Variants in RBPMS observed in about 807,000 individuals in gnomAD.
The protein encoded by RBPMS is RNA-binding protein with multiple splicing.
A neutral mutation model predicts 26.8 loss-of-function variants in RBPMS; 7 were observed. The observed-to-expected ratio is 0.26, with a 90% CI of 0.15 to 0.49. RBPMS has a LOEUF of 0.49. RBPMS is among the 20% of genes least tolerant of loss of function. RBPMS has a pLI of 0.98. For missense variants in RBPMS, 186 were observed against 250.0 expected (o/e 0.74, Z 1.73); for synonymous variants, 96 against 93.3 (o/e 1.03, Z -0.17).
At chr8:30,506,523 G>A (rs192910775) in intron 5 of RBPMS, among the ~76,000 whole-genome samples, 1 of 152,188 alleles carries the variant, frequency 6.6e-6, no homozygotes, top group Admixed American at 6.5e-5. Context: ...GAACTTGACC[G>A]TCACATACAA....
Position 30,547,366 on chromosome 8 carries a change from G to A in RBPMS, c.528+2742G>A. 1.9e-6 allele frequency: 3 copies of A among 1,613,820 alleles called. No homozygotes were observed. The South Asian group carries it at 3.3e-5, about 18-fold the overall frequency. On this transcript the variant is annotated intron_variant, in intron 6 of 8. Coordinates refer to ENST00000397323, the MANE Select transcript of RBPMS (RefSeq NM_001008710.3). Reference sequence around the variant, plus strand: ...TCCAGCAAATTAGATTTGTCTCTGGGAATGTGTTTGTAACATACCAACCTA... The same window carrying A: ...TCCAGCAAATTAGATTTGTCTCTGGAAATGTGTTTGTAACATACCAACCTA...
chr8:30,526,274 A>G (rs1823575592), intron 5 of RBPMS, among the ~76,000 whole-genome samples: 1 of 152,196 alleles, frequency 6.6e-6, no homozygotes, highest in Non-Finnish European at 1.5e-5. Context: ...TAGAGAGCCC[A>G]ATTTCTGGCC....
chr8:30,469,028 T>C (rs1816811639), intron 1 of RBPMS, among the ~76,000 whole-genome samples: 1 of 152,214 alleles, frequency 6.6e-6, no homozygotes, highest in African/African-American at 2.4e-5. Flanking sequence ...CTTAAAACTT[T>C]TATGAAAAAC....
At chr8:30,426,517 A>T (rs1448517955) in intron 1 of RBPMS, among the ~76,000 whole-genome samples, 2 of 152,196 alleles carry the variant, frequency 1.3e-5, no homozygotes. Context: ...CTGAATAGGT[A>T]GCAGGCTTGC....
rs3824108 is a variant in RBPMS, at chr8:30,558,162, T to G, written c.529-725T>G. Reference sequence around the variant, plus strand: ...TACAGGCGTGAGCCACCACACCCATTTTTTTTTTTCATGTTTTCCTTGGCA... The same window carrying G: ...TACAGGCGTGAGCCACCACACCCATGTTTTTTTTTCATGTTTTCCTTGGCA... On this transcript the variant is annotated intron_variant, in intron 6 of 8. Coordinates refer to ENST00000397323, the MANE Select transcript of RBPMS (RefSeq NM_001008710.3). 2.0e-5 allele frequency: 3 copies of G among 149,128 alleles called. No homozygotes were observed. In the East Asian group the frequency reaches 5.9e-4, roughly 29 times the overall value. The allele number at this position is 149,128 out of a possible 1,614,324, so 9.2% of individuals were successfully genotyped here.
In RBPMS at chr8:30,549,471, G is replaced by C. The variant is rs1826118425; in HGVS notation, c.528+4847G>C. 3 of 1,574,580 alleles carry C rather than the reference G, an allele frequency of 1.9e-6. No homozygotes were observed. The African/African-American group carries it at 4.0e-5, about 21-fold the overall frequency. On this transcript the variant is annotated intron_variant, in intron 6 of 8. Transcript: ENST00000397323. ...ACATAAATGAAATTGTTAATCCTCT[G>C]ACATTTACCTTTTCCTCTCAACCTG...
At chr8:30,563,247 TGTTGA>T (rs1022309749) in intron 7 of RBPMS, among the ~76,000 whole-genome samples, 4 of 152,156 alleles carry the variant, frequency 2.6e-5, no homozygotes, top group South Asian at 4.1e-4. Flanking sequence ...TGATGGATGG[TGTTGA>T]GTTTAGTGAT....
intron 1 of RBPMS, among the ~76,000 whole-genome samples, chr8:30,468,343 G>T (rs1816735361): frequency 6.6e-6 from 1 of 151,466 alleles, no homozygotes; most frequent in Non-Finnish European, 1.5e-5. Context: ...TCTCTTTTTG[G>T]GTCTGTCTCC....
chr8:30,561,917 A>G (rs941645268), intron 7 of RBPMS: 5 of 985,168 alleles, frequency 5.1e-6, no homozygotes, highest in Non-Finnish European at 6.0e-6. Context: ...CTGCTCACCT[A>G]ATTTTTTTCC....
chr8:30,543,989 T>C (rs1296659661), intron 5 of RBPMS, among the ~76,000 whole-genome samples: 2 of 152,206 alleles, frequency 1.3e-5, no homozygotes, highest in African/African-American at 4.8e-5. Context: ...ACGTGGAAAA[T>C]GCTTGATGAT....
chr8:30,556,438 T>G, intron 6 of RBPMS: 2 of 985,812 alleles, frequency 2.0e-6, no homozygotes, highest in Non-Finnish European at 2.4e-6. Flanking sequence ...AGGGCTTCCT[T>G]CTCGCAGTCA....
intron 4 of RBPMS, among the ~76,000 whole-genome samples, chr8:30,493,312 A>G (rs1819590638): frequency 6.6e-6 from 1 of 152,240 alleles, no homozygotes; most frequent in Non-Finnish European, 1.5e-5. Flanking sequence ...TTTAGCAGGT[A>G]GCAGGAGAAA....
At chr8:30,510,148 C>T (rs1821437172) in intron 5 of RBPMS, among the ~76,000 whole-genome samples, 1 of 152,124 alleles carries the variant, frequency 6.6e-6, no homozygotes, top group South Asian at 2.1e-4. Flanking sequence ...CTGTAGAGCA[C>T]TGTGTATTCA....
intron 1 of RBPMS, among the ~76,000 whole-genome samples, chr8:30,429,930 T>C (rs1051422347): frequency 4.6e-5 from 7 of 152,218 alleles, no homozygotes; most frequent in Non-Finnish European, 1.0e-4. Flanking sequence ...AAAAATACTT[T>C]TGATTATAGC....
intron 5 of RBPMS, among the ~76,000 whole-genome samples, chr8:30,529,603 ACTTT>A (rs1195607586): frequency 6.6e-6 from 1 of 152,208 alleles, no homozygotes; most frequent in Non-Finnish European, 1.5e-5. Flanking sequence ...CTGAAAATCT[ACTTT>A]CTTTCTGTCT....
chr8:30,494,711 C>A (rs1819745409), intron 4 of RBPMS, among the ~76,000 whole-genome samples: 1 of 152,184 alleles, frequency 6.6e-6, no homozygotes, highest in Non-Finnish European at 1.5e-5. Context: ...TTAACTCTAG[C>A]TGATGGTACT....
intron 1 of RBPMS, among the ~76,000 whole-genome samples, chr8:30,392,997 C>G (rs1457102353): frequency 1.3e-5 from 2 of 151,680 alleles, no homozygotes; most frequent in Non-Finnish European, 2.9e-5. Flanking sequence ...TTCTAGGAAA[C>G]GTTGTGAGGG....
intron 1 of RBPMS, among the ~76,000 whole-genome samples, chr8:30,437,322 G>C (rs1812577634): frequency 6.6e-6 from 1 of 151,916 alleles, no homozygotes; most frequent in Non-Finnish European, 1.5e-5. Flanking sequence ...CTTTACTTCA[G>C]AAAAATTTTG....
chr8:30,545,380 G>A (rs1825789304), intron 6 of RBPMS: 4 of 1,135,358 alleles, frequency 3.5e-6, no homozygotes, highest in Middle Eastern at 7.9e-4. Context: ...TAGTGCAAGT[G>A]GTAGTAATCA....
Sources: allele counts gnomAD v4.1 joint callset (sites outside exome capture counted in the v4.1 genomes callset), GRCh38; gene constraint gnomAD v4.1.1; transcripts MANE v1.5; gene names NCBI Gene and HGNC (gene_info 2026-07-23, HGNC 2026-07-21).